RBFOX1: variants seen among roughly 807,000 people sequenced by gnomAD.
RBFOX1 encodes RNA binding protein fox-1 homolog 1.
A neutral mutation model predicts 57.7 loss-of-function variants in RBFOX1; 8 were observed. The ratio of observed to expected loss-of-function variants is 0.14; its 90% CI spans 0.08 to 0.25. The LOEUF (loss-of-function observed/expected upper bound fraction) is 0.25. Ranked by LOEUF, RBFOX1 falls within the 10% of genes least tolerant of loss-of-function variation. RBFOX1 has a pLI of 1.00. For missense variants in RBFOX1, 611 were observed against 548.5 expected, an observed-to-expected ratio of 1.11 and a Z score of -1.14; for synonymous variants, 326 against 222.4, an observed-to-expected ratio of 1.47 and a Z score of -4.15.
At chr16:6,729,350 C>A (rs1432930137) in intron 3 of RBFOX1, among the ~76,000 whole-genome samples, 1 of 152,168 alleles carries the variant, frequency 6.6e-6, no homozygotes, top group Non-Finnish European at 1.5e-5. Flanking sequence ...CAAGGTAAAT[C>A]TAATTCAGTC....
chr16:6,444,154 A>T (rs904152536), intron 2 of RBFOX1, among the ~76,000 whole-genome samples: 2 of 152,088 alleles, frequency 1.3e-5, no homozygotes, highest in African/African-American at 4.8e-5. Context: ...CCACGGTTGA[A>T]GTCAGGTGTG....
intron 3 of RBFOX1, among the ~76,000 whole-genome samples, chr16:6,742,089 G>A (rs1477404816): frequency 6.6e-6 from 1 of 152,084 alleles, no homozygotes; most frequent in African/African-American, 2.4e-5. Flanking sequence ...ACATCATGTT[G>A]TACGTGATAA....
intron 1 of RBFOX1, among the ~76,000 whole-genome samples, chr16:6,189,350 A>G (rs2097127592): frequency 6.6e-6 from 1 of 152,208 alleles, no homozygotes; most frequent in Non-Finnish European, 1.5e-5. Flanking sequence ...TCAAGAGTCT[A>G]GTGCGCGCTG....
At chr16:6,113,586 G>A (rs979650636) in intron 1 of RBFOX1, among the ~76,000 whole-genome samples, 1 of 152,144 alleles carries the variant, frequency 6.6e-6, no homozygotes, top group African/African-American at 2.4e-5. Flanking sequence ...GCCTGTCTCC[G>A]CATTTGTTGA....
intron 1 of RBFOX1, among the ~76,000 whole-genome samples, chr16:5,421,492 G>A (rs1216232970): frequency 6.6e-6 from 1 of 152,100 alleles, no homozygotes; most frequent in Non-Finnish European, 1.5e-5. Context: ...AGAGAGAATG[G>A]GGTGAGTTAG....
At chr16:5,558,031 G>A (rs897348553) in intron 2 of RBFOX1, among the ~76,000 whole-genome samples, 11 of 152,130 alleles carry the variant, frequency 7.2e-5, no homozygotes, top group African/African-American at 2.7e-4. Flanking sequence ...AACTCCGGGG[G>A]AGGACTGCCT....
At chr16:6,303,317 C>T (rs1282787361) in intron 1 of RBFOX1, among the ~76,000 whole-genome samples, 1 of 150,270 alleles carries the variant, frequency 6.7e-6, no homozygotes, top group Non-Finnish European at 1.5e-5. Flanking sequence ...CTCTGGAGTC[C>T]AGTACGTATT....
chr16:5,420,556 T>A (rs2067287158), intron 1 of RBFOX1, among the ~76,000 whole-genome samples: 1 of 152,150 alleles, frequency 6.6e-6, no homozygotes, highest in Admixed American at 6.6e-5. Flanking sequence ...TCATCCAGGC[T>A]GGAGTGCAGT....
intron 4 of RBFOX1, among the ~76,000 whole-genome samples, chr16:7,417,699 A>G (rs1451209899): frequency 2.0e-5 from 3 of 152,096 alleles, no homozygotes; most frequent in Non-Finnish European, 4.4e-5. Context: ...TCCATATCTC[A>G]GGAAACCTTA....
intron 2 of RBFOX1, chr16:5,598,832 T>G: frequency 2.4e-6 from 3 of 1,230,776 alleles, no homozygotes; most frequent in Non-Finnish European, 3.3e-6. Context: ...ACTGGGTTAC[T>G]CAAGGTTAGA....
At chr16:6,039,519 T>A (rs2095413204) in intron 1 of RBFOX1, among the ~76,000 whole-genome samples, 1 of 152,086 alleles carries the variant, frequency 6.6e-6, no homozygotes, top group Admixed American at 6.6e-5. Flanking sequence ...AAAGGCAGGA[T>A]TTTTTTCCCC....
chr16:5,283,866 G>A (rs922600941), intron 1 of RBFOX1, among the ~76,000 whole-genome samples: 3 of 151,980 alleles, frequency 2.0e-5, no homozygotes, highest in African/African-American at 7.2e-5. Context: ...GACTTTGGGG[G>A]ACTGTTGGGA....
intron 4 of RBFOX1, chr16:7,422,629 G>C (rs2098553366): frequency 6.6e-6 from 1 of 152,112 alleles, no homozygotes; most frequent in African/African-American, 2.4e-5. Context: ...ATCTTCCAGG[G>C]GTTTGTGACT....
At chr16:6,483,064 G>C (rs1052959538) in intron 2 of RBFOX1, 237 of 895,490 alleles carry the variant, frequency 2.6e-4, no homozygotes, top group Non-Finnish European at 2.9e-4. Context: ...CAGCCAGCTC[G>C]GAGCTTTGCA....
intron 1 of RBFOX1, among the ~76,000 whole-genome samples, chr16:6,230,415 T>G (rs867977095): frequency 2.6e-5 from 4 of 152,210 alleles, no homozygotes; most frequent in South Asian, 2.1e-4. Context: ...GATCACGCTA[T>G]TATTCTGTGG....
intron 2 of RBFOX1, among the ~76,000 whole-genome samples, chr16:6,434,970 G>A (rs184658822): frequency 3.9e-5 from 6 of 152,290 alleles, no homozygotes; most frequent in African/African-American, 1.2e-4. Flanking sequence ...GTACATATAC[G>A]TGCACAGCTG....
rs1444897567 is a variant in RBFOX1, at chr16:6,137,102, A to G, written c.-127+117110A>G. Among the ~76,000 whole-genome samples the G allele has an allele frequency of 2.0e-5, 3 of 152,180 alleles. No homozygotes were observed. The East Asian group carries it at 5.8e-4, about 29-fold the overall frequency. On this transcript the variant is annotated intron_variant, in intron 1 of 15. Transcript: ENST00000550418. ...ATATTTCCTCTGTCCAGGTACTTTC[A>G]TGAATCACATCAATAGGTGATTATT...
chr16:6,605,668 G>A (rs79941822), intron 2 of RBFOX1, among the ~76,000 whole-genome samples: 1 of 152,330 alleles, frequency 6.6e-6, no homozygotes, highest in East Asian at 1.9e-4. Flanking sequence ...TATTTATTGG[G>A]TACTGGCTCC....
chr16:6,836,766 T>C (rs2093129090), intron 3 of RBFOX1, among the ~76,000 whole-genome samples: 1 of 152,208 alleles, frequency 6.6e-6, no homozygotes, highest in African/African-American at 2.4e-5. Context: ...CACCAGTTCA[T>C]TACAGAAATT....
Sources: gnomAD v4.1 joint callset for allele counts (sites outside exome capture counted in the v4.1 genomes callset) on GRCh38, gnomAD v4.1.1 for gene constraint, MANE v1.5 for transcripts, NCBI Gene and HGNC (gene_info 2026-07-23, HGNC 2026-07-21) for gene names.